Variants in FAM184A observed in about 807,000 individuals in gnomAD.
The protein encoded by FAM184A is protein FAM184A.
FAM184A carries 99 observed loss-of-function variants against 143.8 expected under a neutral mutation model. The ratio of observed to expected loss-of-function variants is 0.69; its 90% CI spans 0.58 to 0.81. The LOEUF (loss-of-function observed/expected upper bound fraction) is 0.81, where lower values mean the gene tolerates loss of function less well. Among genes scored for constraint, FAM184A ranks in the 40% least tolerant of loss-of-function variants. The pLI, the probability that FAM184A is intolerant of heterozygous loss-of-function variation, is 0.00. For synonymous variants in FAM184A, 427 were observed against 446.4 expected (o/e 0.96, Z 0.55); for missense variants, 1,217 against 1,310.5 (o/e 0.93, Z 1.10).
chr6:118,978,315 C>T (rs1005685734), intron 11 of FAM184A, among the ~76,000 whole-genome samples: 12 of 152,168 alleles, frequency 7.9e-5, no homozygotes, highest in Admixed American at 3.3e-4. Flanking sequence ...ATGGACTAAA[C>T]AACAATAGTT....
chr6:119,092,132 C>CTGCTTATT (rs1788387432), intron 1 of FAM184A, among the ~76,000 whole-genome samples: 1 of 152,110 alleles, frequency 6.6e-6, no homozygotes, highest in Non-Finnish European at 1.5e-5. Context: ...TTTTATTTGC[C>CTGCTTATT]TGCTTATTTA....
intron 1 of FAM184A, among the ~76,000 whole-genome samples, chr6:119,052,254 T>C (rs146582863): frequency 1.3e-3 from 194 of 152,326 alleles, no homozygotes; most frequent in African/African-American, 4.4e-3. Flanking sequence ...CACACCTAAA[T>C]GTACTGTGAA....
chr6:119,027,519 T>C (rs977706069), intron 1 of FAM184A, among the ~76,000 whole-genome samples: 5 of 152,172 alleles, frequency 3.3e-5, no homozygotes, highest in Non-Finnish European at 7.3e-5. Context: ...ACCTCTCCTT[T>C]TAGGGACCTG....
At chr6:119,011,123 G>C in intron 6 of FAM184A, 186 bp downstream of exon 6, 1 of 509,340 alleles carries the variant, frequency 2.0e-6, no homozygotes, top group Non-Finnish European at 3.3e-6. Context: ...GTTTTTGACA[G>C]TAAATTTTAC....
At chr6:118,994,628 G>T (rs1348143907) in intron 9 of FAM184A, among the ~76,000 whole-genome samples, 2 of 151,710 alleles carry the variant, frequency 1.3e-5, no homozygotes, top group Non-Finnish European at 2.9e-5. Context: ...GGAGGTTGCA[G>T]TGAACCGAGA....
rs149805596 is a variant in FAM184A, at chr6:119,140,637, G to A, written c.-202+8441C>T. On this transcript the variant is annotated intron_variant, in intron 1 of 16. Transcript: ENST00000352896. ...ACAATGCCTGCAATCTGGTTCCCTC[G>A]CCTTCCTTCTCTGCTGTTGCAGTTT... Among the ~76,000 whole-genome samples the A allele has an allele frequency of 1.7e-3, 260 of 152,122 alleles. 3 individuals are homozygous for A. The highest frequency in any genetic ancestry group is 0.015 in the Admixed American group (229 of 15,292).
chr6:119,096,983 T>C (rs1174908670), intron 1 of FAM184A, among the ~76,000 whole-genome samples: 3 of 152,140 alleles, frequency 2.0e-5, no homozygotes, highest in South Asian at 2.1e-4. Flanking sequence ...AAGATTTTAT[T>C]GTGTTACCCT....
chr6:119,007,941 GAA>G (rs556042292), intron 6 of FAM184A, among the ~76,000 whole-genome samples: 1 of 122,002 alleles, frequency 8.2e-6, no homozygotes, highest in African/African-American at 3.0e-5. Context: ...TCTGCCTCAA[GAA>G]AAAAAAAAAA....
intron 14 of FAM184A, among the ~76,000 whole-genome samples, chr6:118,970,331 A>C (rs950163237): frequency 6.6e-6 from 1 of 151,894 alleles, no homozygotes. Flanking sequence ...AATTGCCTTC[A>C]TAACTTATGT....
chr6:119,066,698 G>C (rs563137415), intron 1 of FAM184A, among the ~76,000 whole-genome samples: 1 of 152,220 alleles, frequency 6.6e-6, no homozygotes, highest in Non-Finnish European at 1.5e-5. Flanking sequence ...TTCCAGGACA[G>C]TTATCTTTGC....
At chr6:119,055,800 C>T (rs1367240641) in intron 1 of FAM184A, among the ~76,000 whole-genome samples, 3 of 152,130 alleles carry the variant, frequency 2.0e-5, no homozygotes. Flanking sequence ...TTCATCTACC[C>T]TTTTCAGCTC....
At chr6:119,009,057 T>A (rs1785012529) in intron 6 of FAM184A, among the ~76,000 whole-genome samples, 1 of 152,238 alleles carries the variant, frequency 6.6e-6, no homozygotes, top group South Asian at 2.1e-4. Context: ...CTTTACCTAC[T>A]TATTATGTGC....
At chr6:119,059,365 C>A (rs1183494806) in intron 1 of FAM184A, among the ~76,000 whole-genome samples, 2 of 152,218 alleles carry the variant, frequency 1.3e-5, no homozygotes, top group African/African-American at 4.8e-5. Context: ...AGGTTGATAA[C>A]CTGTCTGTCT....
intron 9 of FAM184A, among the ~76,000 whole-genome samples, chr6:118,990,773 T>C (rs1315782807): frequency 6.6e-6 from 1 of 150,902 alleles, no homozygotes; most frequent in Middle Eastern, 3.6e-3. Context: ...TAATTCCAGC[T>C]ACAGCTACTC....
chr6:119,041,477 G>A (rs182651077), intron 1 of FAM184A, among the ~76,000 whole-genome samples: 8,398 of 152,150 alleles, frequency 0.055, 565 homozygotes, highest in African/African-American at 0.16. Flanking sequence ...ATCATCTATC[G>A]CCTGAGAGCA....
intron 7 of FAM184A, chr6:119,006,241 T>C (rs1039507312): frequency 5.3e-6 from 4 of 750,968 alleles, no homozygotes; most frequent in Admixed American, 1.7e-5. Flanking sequence ...GCCAACACCT[T>C]GATGTTGGAC....
At chr6:119,078,705 G>A (rs1352625457), upstream of FAM184A, 2 of 156,334 alleles carry the variant, frequency 1.3e-5, no homozygotes, top group African/African-American at 4.8e-5. The surrounding 1 kb of genome is among the most constrained non-coding windows in gnomAD (Gnocchi z 5.5). Flanking sequence ...GGCGGGGATA[G>A]GCGGGGACAT....
intron 14 of FAM184A, among the ~76,000 whole-genome samples, chr6:118,970,008 A>ATTTTTTTTTTTTTTTTTTTTTTTTT (rs11272298): frequency 5.3e-5 from 1 of 19,046 alleles, no homozygotes; most frequent in African/African-American, 1.5e-4. Context: ...ATATATATAT[A>ATTTTTTTTTTTTTTTTTTTTTTTTT]TTTTTTTTTT....
At chr6:118,970,651 C>T (rs1441305847) in intron 14 of FAM184A, among the ~76,000 whole-genome samples, 1 of 152,052 alleles carries the variant, frequency 6.6e-6, no homozygotes, top group Non-Finnish European at 1.5e-5. Context: ...TGGGAAATGC[C>T]GCCTTGAGAA....
Sources: gnomAD v4.1 joint callset for allele counts (sites outside exome capture counted in the v4.1 genomes callset) on GRCh38, gnomAD v4.1.1 for gene constraint, Gnocchi (gnomAD v3.1) non-coding constraint, MANE v1.5 for transcripts, NCBI Gene and HGNC (gene_info 2026-07-23, HGNC 2026-07-21) for gene names.